Variants in MYT1L observed in about 807,000 individuals in gnomAD.
MYT1L encodes the protein myelin transcription factor 1 like.
Under a neutral mutation model 126.7 loss-of-function variants are expected in MYT1L, and 12 were observed. The ratio of observed to expected loss-of-function variants is 0.09; its 90% CI spans 0.06 to 0.15. MYT1L has a LOEUF of 0.15. Among genes scored for constraint, MYT1L ranks in the 10% least tolerant of loss-of-function variants. The pLI, the probability that MYT1L is intolerant of heterozygous loss-of-function variation, is 1.00. For synonymous variants in MYT1L, 541 were observed against 604.2 expected (o/e 0.90, Z 1.53); for missense variants, 979 against 1,585.2 (o/e 0.62, Z 6.49).
At chr2:2,012,986 G>C (rs1038531817) in intron 4 of MYT1L, among the ~76,000 whole-genome samples, 3 of 152,188 alleles carry the variant, frequency 2.0e-5, no homozygotes, top group African/African-American at 7.2e-5. Context: ...ATGTGTGTAT[G>C]TGAAAAAACA....
intron 18 of MYT1L, among the ~76,000 whole-genome samples, chr2:1,857,137 T>A (rs1277959152): frequency 6.6e-6 from 1 of 152,158 alleles, no homozygotes; most frequent in East Asian, 1.9e-4. Flanking sequence ...CATCAGGGCC[T>A]GGGAGTCCTC....
chr2:1,926,346 TCA>T (rs1047171399), intron 9 of MYT1L, among the ~76,000 whole-genome samples: 3 of 152,180 alleles, frequency 2.0e-5, no homozygotes, highest in African/African-American at 4.8e-5. Context: ...TCAAAGTCAT[TCA>T]CAGTGAGCTT....
At chr2:2,091,863 A>G (rs945029098) in intron 3 of MYT1L, among the ~76,000 whole-genome samples, 1 of 152,190 alleles carries the variant, frequency 6.6e-6, no homozygotes, top group African/African-American at 2.4e-5. Flanking sequence ...TGCCAGCTTC[A>G]AACTTTTCTT....
intron 2 of MYT1L, among the ~76,000 whole-genome samples, chr2:2,204,080 C>T (rs376916739): frequency 2.0e-5 from 3 of 152,172 alleles, no homozygotes; most frequent in Admixed American, 6.5e-5. Flanking sequence ...GAAAGTGGAT[C>T]GCTTCCTTAC....
chr2:1,985,772 G>A (rs1466173040), intron 5 of MYT1L, among the ~76,000 whole-genome samples: 2 of 152,216 alleles, frequency 1.3e-5, no homozygotes, highest in African/African-American at 4.8e-5. Flanking sequence ...AAGATGTCTT[G>A]TAATAGGCCC....
At chr2:2,200,195 AG>A (rs1488132113) in intron 2 of MYT1L, among the ~76,000 whole-genome samples, 7 of 152,146 alleles carry the variant, frequency 4.6e-5, no homozygotes, top group Admixed American at 6.5e-5. Context: ...AAATAAATTT[AG>A]GTACTTGGTG....
At chr2:1,911,456 GAAAA>G (rs1397281060) in intron 12 of MYT1L, among the ~76,000 whole-genome samples, 9 of 152,200 alleles carry the variant, frequency 5.9e-5, no homozygotes, top group Non-Finnish European at 1.3e-4. Context: ...CACAGGACAG[GAAAA>G]GAGAACTCAG....
At chr2:2,209,464 C>A (rs978993912) in intron 2 of MYT1L, among the ~76,000 whole-genome samples, 2 of 151,914 alleles carry the variant, frequency 1.3e-5, no homozygotes, top group Non-Finnish European at 2.9e-5. Flanking sequence ...ATTGTTTTGA[C>A]TTTTAGTTTC....
intron 18 of MYT1L, among the ~76,000 whole-genome samples, chr2:1,870,337 C>A (rs1325647091): frequency 1.3e-5 from 2 of 152,150 alleles, no homozygotes; most frequent in Non-Finnish European, 2.9e-5. Flanking sequence ...CTTTCCCTGG[C>A]ATTCTCCTTC....
At chr2:1,960,922 A>C (rs1001826129) in intron 8 of MYT1L, among the ~76,000 whole-genome samples, 5 of 152,334 alleles carry the variant, frequency 3.3e-5, no homozygotes, top group African/African-American at 9.6e-5. Flanking sequence ...CTTCCAGTGC[A>C]TGTGTGCATC....
intron 3 of MYT1L, among the ~76,000 whole-genome samples, chr2:2,088,973 T>G (rs2076632265): frequency 6.6e-6 from 1 of 152,192 alleles, no homozygotes; most frequent in Non-Finnish European, 1.5e-5. Flanking sequence ...TTAAAAGAAA[T>G]AGTTGTATCA....
At chr2:1,865,603 T>A (rs937540397) in intron 18 of MYT1L, among the ~76,000 whole-genome samples, 2 of 152,082 alleles carry the variant, frequency 1.3e-5, no homozygotes, top group Admixed American at 1.3e-4. Context: ...CTTTTTTTTT[T>A]AAGCAGCTAG....
At chr2:2,328,658 C>G (rs1055899261) in intron 1 of MYT1L, among the ~76,000 whole-genome samples, 3 of 152,222 alleles carry the variant, frequency 2.0e-5, no homozygotes, top group East Asian at 3.9e-4. Flanking sequence ...ACCAGATAGT[C>G]CTGGTGCATC....
At chr2:2,076,198 T>C (rs925672492) in intron 3 of MYT1L, among the ~76,000 whole-genome samples, 33 of 152,054 alleles carry the variant, frequency 2.2e-4, no homozygotes, top group African/African-American at 4.8e-4. Context: ...ACAGAGAACT[T>C]TGGAAAACTC....
chr2:1,808,380 G>T (rs560640863), intron 22 of MYT1L, among the ~76,000 whole-genome samples: 2 of 152,300 alleles, frequency 1.3e-5, no homozygotes, highest in South Asian at 4.1e-4. Flanking sequence ...CACTTCAGCT[G>T]CTCTGCGAGT....
At chr2:1,985,409 T>G (rs1320920236) in intron 5 of MYT1L, among the ~76,000 whole-genome samples, 2 of 152,192 alleles carry the variant, frequency 1.3e-5, no homozygotes, top group African/African-American at 2.4e-5. Context: ...ACAGCACTTC[T>G]TCCTAGGAAT....
intron 1 of MYT1L, among the ~76,000 whole-genome samples, chr2:2,287,589 A>G (rs551120723): frequency 6.6e-6 from 1 of 152,360 alleles, no homozygotes; most frequent in South Asian, 2.1e-4. Context: ...TCAGGAGCAC[A>G]GAGTGACTTT....
intron 3 of MYT1L, among the ~76,000 whole-genome samples, chr2:2,119,050 A>G (rs1023915909): frequency 2.0e-5 from 3 of 152,260 alleles, no homozygotes; most frequent in African/African-American, 7.2e-5. Context: ...AAACATTTGA[A>G]GATACAGAAT....
intron 1 of MYT1L, among the ~76,000 whole-genome samples, chr2:2,292,407 A>G (rs942170949): frequency 6.6e-6 from 1 of 152,250 alleles, no homozygotes; most frequent in Non-Finnish European, 1.5e-5. Flanking sequence ...ACGGTTGGCT[A>G]TGGAAAGAAC....
Sources: allele counts gnomAD v4.1 joint callset (sites outside exome capture counted in the v4.1 genomes callset), GRCh38; gene constraint gnomAD v4.1.1; transcripts MANE v1.5; gene names NCBI Gene and HGNC (gene_info 2026-07-23, HGNC 2026-07-21).